Variants in COL23A1 observed in about 807,000 individuals in gnomAD.
COL23A1 encodes the protein collagen alpha-1(XXIII) chain.
A neutral mutation model predicts 99.3 loss-of-function variants in COL23A1; 97 were observed. That is an observed-to-expected ratio of 0.98 (90% CI 0.83 to 1.16). The LOEUF (loss-of-function observed/expected upper bound fraction) is 1.16. COL23A1 is among the 50% of genes most tolerant of loss of function. The pLI is 0.00. For synonymous variants in COL23A1, 320 were observed against 308.2 expected (o/e 1.04, Z -0.40); for missense variants, 762 against 757.4 (o/e 1.01, Z -0.07).
chr5:178,261,419 T>C (rs1270377089), intron 11 of COL23A1, among the ~76,000 whole-genome samples: 4 of 148,348 alleles, frequency 2.7e-5, no homozygotes, highest in Non-Finnish European at 4.5e-5. Context: ...CTCAAAAGAA[T>C]AGAAAATTAA....
At chr5:178,263,467 T>C in intron 8 of COL23A1, 143 bp from the exon 9 acceptor site, 1 of 606,458 alleles carries the variant, frequency 1.6e-6, no homozygotes, top group Non-Finnish European at 2.9e-6. Context: ...TTATTGGGCC[T>C]CTTGCCACTT....
chr5:178,578,030 A>AGCATGCACACACGT (rs1223992032), intron 1 of COL23A1, among the ~76,000 whole-genome samples: 1 of 152,338 alleles, frequency 6.6e-6, no homozygotes, highest in Admixed American at 6.5e-5. Context: ...GTGCCCACAC[A>AGCATGCACACACGT]GCATGCACAC....
chr5:178,255,136 G>A lies in COL23A1; in HGVS notation c.883-110C>T, dbSNP rs535775696. 46 of 918,590 alleles carry A rather than the reference G, an allele frequency of 5.0e-5. No homozygotes were observed. The African/African-American group carries it at 5.2e-4, about 10-fold the overall frequency. 56.9% of individuals were successfully genotyped at this position (918,590 alleles called of 1,614,324 possible). ...AGAGAGAAAGCAATGGAAGAGCCTC[G>A]TCACCCAGGCTGCACGCATGCCCCT... On this transcript the variant is annotated intron_variant, in intron 15 of 28. Coordinates refer to ENST00000390654, the MANE Select transcript of COL23A1 (RefSeq NM_173465.4). This position sits in a 1 kb window ranked among gnomAD's most constrained non-coding sequence, Gnocchi z 4.2.
In COL23A1 at chr5:178,433,631, C is replaced by T. The variant is rs568474496; in HGVS notation, c.362-126712G>A. On this transcript the variant is annotated intron_variant, in intron 2 of 28. Coordinates refer to ENST00000390654, the MANE Select transcript of COL23A1 (RefSeq NM_173465.4). ...TCTCCAGGGGCCCTGAGCCACCAGT[C>T]ACGTCATTACATACAAAGACACTCC... Among the ~76,000 whole-genome samples, 13 of 152,272 alleles carry T rather than the reference C, an allele frequency of 8.5e-5. No homozygotes were observed. The South Asian group carries it at 2.7e-3, about 32-fold the overall frequency.
intron 8 of COL23A1, chr5:178,265,670 A>C: frequency 2.0e-6 from 2 of 985,886 alleles, no homozygotes; most frequent in Non-Finnish European, 1.2e-6. Flanking sequence ...GGATCCGGCG[A>C]TTGTACAGGT....
chr5:178,536,978 C>T (rs190166116), intron 2 of COL23A1, among the ~76,000 whole-genome samples: 4 of 152,368 alleles, frequency 2.6e-5, no homozygotes, highest in East Asian at 1.9e-4. Context: ...CAGAGCCACA[C>T]AGGCCCATCC....
At chr5:178,467,994 G>T (rs1348420016) in intron 2 of COL23A1, among the ~76,000 whole-genome samples, 1 of 152,180 alleles carries the variant, frequency 6.6e-6, no homozygotes, top group Non-Finnish European at 1.5e-5. Flanking sequence ...AGAAGGAACT[G>T]GAAGGCGGCG....
intron 2 of COL23A1, among the ~76,000 whole-genome samples, chr5:178,503,001 C>T (rs1331270959): frequency 2.0e-5 from 3 of 152,192 alleles, no homozygotes; most frequent in Non-Finnish European, 4.4e-5. Context: ...CAGACGAGCA[C>T]AGTCAGGAAC....
chr5:178,467,998 G>A (rs999271087), intron 2 of COL23A1, among the ~76,000 whole-genome samples: 1 of 152,206 alleles, frequency 6.6e-6, no homozygotes, highest in Non-Finnish European at 1.5e-5. Context: ...GGAACTGGAA[G>A]GCGGCGATGC....
At chr5:178,266,709 C>T (rs1219416413) in intron 8 of COL23A1, among the ~76,000 whole-genome samples, 3 of 152,202 alleles carry the variant, frequency 2.0e-5, no homozygotes, top group Non-Finnish European at 4.4e-5. Flanking sequence ...GGGGCTTGGC[C>T]TGGCCAGCCC....
At chr5:178,284,240 T>C (rs1386334578) in intron 5 of COL23A1, among the ~76,000 whole-genome samples, 1 of 152,228 alleles carries the variant, frequency 6.6e-6, no homozygotes, top group Non-Finnish European at 1.5e-5. Context: ...CTTTAAACTC[T>C]ATGCCTGCAA....
At chr5:178,453,377 T>C (rs1415697698) in intron 2 of COL23A1, among the ~76,000 whole-genome samples, 1 of 152,140 alleles carries the variant, frequency 6.6e-6, no homozygotes, top group East Asian at 1.9e-4. Flanking sequence ...AGAAAGAGCA[T>C]GATGGAGCAC....
At chr5:178,243,660 TG>T (rs990467862) in intron 25 of COL23A1, among the ~76,000 whole-genome samples, 1 of 151,768 alleles carries the variant, frequency 6.6e-6, no homozygotes, top group African/African-American at 2.4e-5. Flanking sequence ...CTATCACAGG[TG>T]GGGGTCAAGG....
At chr5:178,360,328 G>A (rs976503071) in intron 2 of COL23A1, among the ~76,000 whole-genome samples, 3 of 152,226 alleles carry the variant, frequency 2.0e-5, no homozygotes, top group Admixed American at 1.3e-4. Context: ...AGGAAAGTAC[G>A]TTTCTTTATT....
chr5:178,344,488 T>A (rs1760849616), intron 2 of COL23A1, among the ~76,000 whole-genome samples: 1 of 152,158 alleles, frequency 6.6e-6, no homozygotes, highest in South Asian at 2.1e-4. Context: ...ATTACAAAAA[T>A]TAGCCAGGTC....
At chr5:178,430,695 T>C (rs1427064348) in intron 2 of COL23A1, among the ~76,000 whole-genome samples, 1 of 152,142 alleles carries the variant, frequency 6.6e-6, no homozygotes, top group African/African-American at 2.4e-5. Context: ...ACTTGGGAAA[T>C]AGAGCATTCT....
At chr5:178,505,999 T>C (rs1758848280) in intron 2 of COL23A1, among the ~76,000 whole-genome samples, 2 of 152,098 alleles carry the variant, frequency 1.3e-5, no homozygotes, top group Non-Finnish European at 2.9e-5. Context: ...TCCATGGCTG[T>C]TGGGGCCTTC....
At chr5:178,322,026 T>G (rs1423998969) in intron 2 of COL23A1, among the ~76,000 whole-genome samples, 1 of 150,768 alleles carries the variant, frequency 6.6e-6, no homozygotes, top group African/African-American at 2.5e-5. Context: ...GGAGTCTTGC[T>G]CTGTCACCCA....
intron 2 of COL23A1, among the ~76,000 whole-genome samples, chr5:178,413,838 A>G (rs1277242304): frequency 1.3e-5 from 2 of 152,126 alleles, no homozygotes; most frequent in Non-Finnish European, 2.9e-5. Flanking sequence ...TATTGTTGTA[A>G]AAGCTAAGTA....
Sources: allele counts gnomAD v4.1 joint callset (sites outside exome capture counted in the v4.1 genomes callset), GRCh38; gene constraint gnomAD v4.1.1; non-coding constraint Gnocchi (gnomAD v3.1); transcripts MANE v1.5; gene names NCBI Gene and HGNC (gene_info 2026-07-23, HGNC 2026-07-21).